The following SLC39A11 variants were observed in gnomAD, a reference collection of about 807,000 sequenced individuals.
SLC39A11 encodes the protein zinc transporter ZIP11.
SLC39A11 carries 33 observed loss-of-function variants against 36.1 expected under a neutral mutation model. The ratio of observed to expected loss-of-function variants is 0.91; its 90% CI spans 0.69 to 1.22. The LOEUF (loss-of-function observed/expected upper bound fraction) is 1.22. SLC39A11 is among the 50% of genes most tolerant of loss of function. SLC39A11 has a pLI of 0.00. For missense variants in SLC39A11, 432 were observed against 430.3 expected, an observed-to-expected ratio of 1.00 and a Z score of -0.03; for synonymous variants, 166 against 170.3, an observed-to-expected ratio of 0.97 and a Z score of 0.20.
chr17:72,904,311 C>G (rs1424786639), intron 5 of SLC39A11, among the ~76,000 whole-genome samples: 2 of 152,118 alleles, frequency 1.3e-5, no homozygotes, highest in African/African-American at 4.8e-5. Context: ...GAGTTGGAAG[C>G]CTGGGGACGA....
intron 6 of SLC39A11, among the ~76,000 whole-genome samples, chr17:72,767,228 G>A (rs16977375): frequency 0.019 from 2,852 of 152,280 alleles, 36 homozygotes; most frequent in East Asian, 0.04. Context: ...GGAACTGCAC[G>A]TTTATTGTAG....
chr17:72,811,673 A>G (rs1049334430), intron 6 of SLC39A11, among the ~76,000 whole-genome samples: 3 of 152,202 alleles, frequency 2.0e-5, no homozygotes, highest in Admixed American at 1.3e-4. Context: ...GAGGTGAACT[A>G]TATTATCTTT....
At chr17:73,055,363 G>A (rs1239594089) in intron 3 of SLC39A11, among the ~76,000 whole-genome samples, 1 of 152,108 alleles carries the variant, frequency 6.6e-6, no homozygotes, top group South Asian at 2.1e-4. Context: ...GCACAATTGA[G>A]TCTCACCCGG....
chr17:73,089,911 A>G (rs1365989962), intron 1 of SLC39A11: 1 of 152,210 alleles, frequency 6.6e-6, no homozygotes, highest in East Asian at 1.9e-4. Flanking sequence ...ATCTGAGATG[A>G]CAATCAGATC....
At chr17:72,739,496 A>G (rs1365062928) in intron 6 of SLC39A11, among the ~76,000 whole-genome samples, 2 of 152,200 alleles carry the variant, frequency 1.3e-5, no homozygotes, top group African/African-American at 2.4e-5. Flanking sequence ...AACCAATGTC[A>G]GGACACGGAG....
chr17:72,797,461 G>A (rs2076933955), intron 6 of SLC39A11, among the ~76,000 whole-genome samples: 1 of 152,062 alleles, frequency 6.6e-6, no homozygotes, highest in Non-Finnish European at 1.5e-5. Flanking sequence ...CAGGCAAGAA[G>A]AAGGTAGCAT....
At chr17:72,865,302 T>C (rs931873411) in intron 5 of SLC39A11, among the ~76,000 whole-genome samples, 1 of 151,182 alleles carries the variant, frequency 6.6e-6, no homozygotes, top group South Asian at 2.1e-4. Flanking sequence ...CATGGAATTC[T>C]GCCCCTATGC....
intron 5 of SLC39A11, among the ~76,000 whole-genome samples, chr17:72,862,285 A>C (rs1410709231): frequency 6.6e-6 from 1 of 152,208 alleles, no homozygotes; most frequent in Non-Finnish European, 1.5e-5. Flanking sequence ...CTGACAGACA[A>C]AGGCTGACCT....
chr17:73,017,901 G>A (rs999516926), intron 4 of SLC39A11, among the ~76,000 whole-genome samples: 1 of 152,104 alleles, frequency 6.6e-6, no homozygotes, highest in African/African-American at 2.4e-5. Flanking sequence ...AATGCTATGA[G>A]GCCTGGAAAA....
intron 5 of SLC39A11, among the ~76,000 whole-genome samples, chr17:72,869,342 G>T (rs1032696601): frequency 6.6e-6 from 1 of 152,192 alleles, no homozygotes; most frequent in Admixed American, 6.5e-5. Flanking sequence ...CTTCCCCAGA[G>T]AATCTGGTAC....
intron 3 of SLC39A11, among the ~76,000 whole-genome samples, chr17:73,057,295 A>C (rs1156839613): frequency 1.3e-5 from 2 of 152,220 alleles, no homozygotes; most frequent in East Asian, 3.8e-4. Context: ...TTGCAGGGGC[A>C]TCTAAATGAT....
chr17:72,696,770 AATC>A (rs2072323741), intron 7 of SLC39A11, among the ~76,000 whole-genome samples: 1 of 152,202 alleles, frequency 6.6e-6, no homozygotes, highest in Non-Finnish European at 1.5e-5. Flanking sequence ...GTGTATTATA[AATC>A]ATATTATAAA....
intron 4 of SLC39A11, among the ~76,000 whole-genome samples, chr17:72,957,377 G>A (rs1226491711): frequency 6.6e-6 from 1 of 152,180 alleles, no homozygotes; most frequent in Non-Finnish European, 1.5e-5. Flanking sequence ...AGGAACCCCA[G>A]GAATTCCCTG....
chr17:72,753,297 T>A (rs910623010), intron 6 of SLC39A11, among the ~76,000 whole-genome samples: 1 of 152,222 alleles, frequency 6.6e-6, no homozygotes, highest in Non-Finnish European at 1.5e-5. Flanking sequence ...CCTGCACACA[T>A]ACCTTACATC....
chr17:72,648,279 G>A (rs1276877687), intron 9 of SLC39A11, among the ~76,000 whole-genome samples: 7 of 147,380 alleles, frequency 4.7e-5, no homozygotes, highest in Admixed American at 2.0e-4. Context: ...GCAGTGAGCC[G>A]AGATCACACC....
Position 72,798,560 on chromosome 17 carries a change from C to T in SLC39A11, c.601+51074G>A, listed in dbSNP as rs117046002. On this transcript the variant is annotated intron_variant, in intron 6 of 9. Coordinates refer to ENST00000255559, the MANE Select transcript of SLC39A11 (RefSeq NM_139177.4). ...TCCCGAGTAGCTGGGATTACAGGCA[C>T]CCACCACCATGCAGGGGTTTCACCA... Among the ~76,000 whole-genome samples, 522 of 151,912 alleles carry T rather than the reference C, an allele frequency of 3.4e-3. 3 individuals carry two copies. Among genetic ancestry groups the T allele is most frequent in the Middle Eastern group, 0.027 (8 of 294 alleles).
chr17:73,081,666 CACACATATAT>C (rs2060522075), intron 3 of SLC39A11, among the ~76,000 whole-genome samples: 1 of 78,484 alleles, frequency 1.3e-5, no homozygotes, highest in African/African-American at 4.9e-5. Context: ...CACACACACA[CACACATATAT>C]ATACACATAT....
chr17:72,796,294 G>A (rs1056907774), intron 6 of SLC39A11, among the ~76,000 whole-genome samples: 2 of 152,112 alleles, frequency 1.3e-5, no homozygotes, highest in Middle Eastern at 3.2e-3. Flanking sequence ...TCTTGGTAGC[G>A]ACAGGCTTCA....
At position 72,781,412 on chromosome 17, in the gene SLC39A11, G is replaced by GT. The variant is rs113090880; in HGVS notation, c.602-44694_602-44693insA. Among the ~76,000 whole-genome samples the GT allele has an allele frequency of 8.9e-3, 1,339 of 150,402 alleles. 17 individuals carry two copies. Among genetic ancestry groups the GT allele is most frequent in the African/African-American group, 0.031 (1,262 of 40,850 alleles). ...CATTTTGTCTTATTTTGTTTCTTTT[G>GT]GTTTTTTTTTTTTCTTTTTTCTTTT... On this transcript the variant is annotated intron_variant, in intron 6 of 9. Coordinates refer to ENST00000255559, the MANE Select transcript of SLC39A11 (RefSeq NM_139177.4).
Sources: allele counts gnomAD v4.1 joint callset (sites outside exome capture counted in the v4.1 genomes callset), GRCh38; gene constraint gnomAD v4.1.1; transcripts MANE v1.5; gene names NCBI Gene and HGNC (gene_info 2026-07-23, HGNC 2026-07-21).